The following SH3GL2 variants were observed in gnomAD, a reference collection of about 807,000 sequenced individuals.
SH3GL2 encodes the protein SH3 domain containing GRB2 like 2, endophilin A1, also known as endophilin-A1.
A neutral mutation model predicts 46.0 loss-of-function variants in SH3GL2; 24 were observed. That is an observed-to-expected ratio of 0.52 (90% CI 0.38 to 0.73). The LOEUF is 0.73. Among genes scored for constraint, SH3GL2 ranks in the 30% least tolerant of loss-of-function variants. The pLI, the probability that SH3GL2 is intolerant of heterozygous loss-of-function variation, is 0.00. For synonymous variants in SH3GL2, 196 were observed against 147.1 expected, an observed-to-expected ratio of 1.33 and a Z score of -2.40; for missense variants, 413 against 424.2, an observed-to-expected ratio of 0.97 and a Z score of 0.23.
chr9:17,651,719 T>C (rs1819963706), intron 1 of SH3GL2, among the ~76,000 whole-genome samples: 1 of 152,176 alleles, frequency 6.6e-6, no homozygotes, highest in Non-Finnish European at 1.5e-5. Flanking sequence ...TAGGATGACA[T>C]TTTTTTCCTT....
At chr9:17,669,284 A>T (rs1272283787) in intron 1 of SH3GL2, among the ~76,000 whole-genome samples, 4 of 152,136 alleles carry the variant, frequency 2.6e-5, no homozygotes, top group African/African-American at 9.7e-5. Context: ...ACTTGAACTC[A>T]TTTATGTATA....
intron 3 of SH3GL2, among the ~76,000 whole-genome samples, chr9:17,784,840 G>A (rs1157022670): frequency 6.6e-6 from 1 of 152,114 alleles, no homozygotes. Flanking sequence ...AGCTTCCCTA[G>A]TAATTGAGAC....
chr9:17,621,715 T>G (rs1296432847), intron 1 of SH3GL2, among the ~76,000 whole-genome samples: 1 of 152,180 alleles, frequency 6.6e-6, no homozygotes, highest in Non-Finnish European at 1.5e-5. Flanking sequence ...TGCGTGTTCT[T>G]CAGTGTGCAC....
At chr9:17,659,219 G>T (rs754617644) in intron 1 of SH3GL2, among the ~76,000 whole-genome samples, 21 of 152,170 alleles carry the variant, frequency 1.4e-4, no homozygotes, top group Non-Finnish European at 3.1e-4. Flanking sequence ...CCATATTATA[G>T]AGAAAGTCCA....
chr9:17,593,173 A>C (rs1216740834), intron 1 of SH3GL2, among the ~76,000 whole-genome samples: 1 of 152,172 alleles, frequency 6.6e-6, no homozygotes, highest in Non-Finnish European at 1.5e-5. Context: ...GCTAAACATA[A>C]GTAAGTGTTT....
At chr9:17,634,455 G>C (rs1359874324) in intron 1 of SH3GL2, among the ~76,000 whole-genome samples, 1 of 152,178 alleles carries the variant, frequency 6.6e-6, no homozygotes, top group African/African-American at 2.4e-5. Flanking sequence ...AAAGATGTTT[G>C]TAAGTGGGGT....
At chr9:17,697,777 G>A (rs182470973) in intron 1 of SH3GL2, among the ~76,000 whole-genome samples, 1 of 152,260 alleles carries the variant, frequency 6.6e-6, no homozygotes, top group Admixed American at 6.5e-5. Context: ...TTTTGCAGAA[G>A]CAGAAAATGC....
chr9:17,630,231 C>T (rs1002630329), intron 1 of SH3GL2: 3 of 152,108 alleles, frequency 2.0e-5, no homozygotes, highest in Non-Finnish European at 4.4e-5. Context: ...ATACCTTTAC[C>T]AGTCTTTTTG....
At chr9:17,641,834 C>CT (rs1819691417) in intron 1 of SH3GL2, among the ~76,000 whole-genome samples, 1 of 150,318 alleles carries the variant, frequency 6.7e-6, no homozygotes, top group South Asian at 2.1e-4. Context: ...TTTATCCAGT[C>CT]TATCACTGAT....
chr9:17,652,701 C>T (rs1033473899), intron 1 of SH3GL2, among the ~76,000 whole-genome samples: 1 of 152,108 alleles, frequency 6.6e-6, no homozygotes, highest in Non-Finnish European at 1.5e-5. Flanking sequence ...AAAGGAAATG[C>T]TCATTGGAGC....
At chr9:17,673,232 T>G (rs560604230) in intron 1 of SH3GL2, among the ~76,000 whole-genome samples, 62 of 152,230 alleles carry the variant, frequency 4.1e-4, no homozygotes, top group African/African-American at 1.4e-3. Flanking sequence ...CACTGCAGCC[T>G]TGACCTCCTG....
At chr9:17,585,799 G>A (rs1377080339) in intron 1 of SH3GL2, among the ~76,000 whole-genome samples, 1 of 152,192 alleles carries the variant, frequency 6.6e-6, no homozygotes, top group African/African-American at 2.4e-5. Flanking sequence ...TGTGCACCTG[G>A]TTACCTGGGT....
intron 1 of SH3GL2, among the ~76,000 whole-genome samples, chr9:17,657,269 G>A (rs1820108261): frequency 6.6e-6 from 1 of 152,142 alleles, no homozygotes; most frequent in East Asian, 1.9e-4. Flanking sequence ...TACATGAACA[G>A]ACAATTTTTA....
At chr9:17,743,418 C>A (rs1010893172) in intron 1 of SH3GL2, among the ~76,000 whole-genome samples, 2 of 152,090 alleles carry the variant, frequency 1.3e-5, no homozygotes, top group Admixed American at 1.3e-4. Context: ...CTGCTAATAA[C>A]ATCATTCGCT....
At chr9:17,597,913 A>C (rs188651769) in intron 1 of SH3GL2, among the ~76,000 whole-genome samples, 1 of 152,194 alleles carries the variant, frequency 6.6e-6, no homozygotes, top group East Asian at 1.9e-4. Flanking sequence ...TCGCCCATTA[A>C]CCGCCAGGCT....
intron 1 of SH3GL2, among the ~76,000 whole-genome samples, chr9:17,690,977 G>A (rs1245372438): frequency 2.0e-5 from 3 of 152,088 alleles, no homozygotes; most frequent in Admixed American, 6.6e-5. Flanking sequence ...CCTTACTACC[G>A]AAGTGTGGCA....
At chr9:17,784,487 G>C (rs1588333735) in intron 3 of SH3GL2, among the ~76,000 whole-genome samples, 1 of 152,164 alleles carries the variant, frequency 6.6e-6, no homozygotes, top group Non-Finnish European at 1.5e-5. Flanking sequence ...TTTAGGTGTT[G>C]TTTATTTTAT....
Position 17,752,157 on chromosome 9 carries a change from C to G in SH3GL2, c.114+5023C>G, listed in dbSNP as rs975594504. 3.3e-5 allele frequency among the ~76,000 whole-genome samples: 5 copies of G among 152,062 alleles called. No homozygotes were observed. In the East Asian group the frequency reaches 9.6e-4, roughly 29 times the overall value. ...GCTTTAAATCAAAGCAGCTTGGGGACAGATGGATTAACTCTTCTGAGTCAG... is the reference window on the plus strand; with the variant it reads ...GCTTTAAATCAAAGCAGCTTGGGGAGAGATGGATTAACTCTTCTGAGTCAG... On this transcript the variant is annotated intron_variant, in intron 2 of 8. Transcript: ENST00000380607.
At chr9:17,628,226 G>A (rs1161446097) in intron 1 of SH3GL2, among the ~76,000 whole-genome samples, 1 of 152,138 alleles carries the variant, frequency 6.6e-6, no homozygotes, top group African/African-American at 2.4e-5. Flanking sequence ...TTACTGGCAC[G>A]TGGGCATTCA....
Sources: allele counts gnomAD v4.1 joint callset (sites outside exome capture counted in the v4.1 genomes callset), GRCh38; gene constraint gnomAD v4.1.1; transcripts MANE v1.5; gene names NCBI Gene and HGNC (gene_info 2026-07-23, HGNC 2026-07-21).